Variants in HACD2 observed in about 807,000 individuals in gnomAD.
The protein encoded by HACD2 is very-long-chain (3R)-3-hydroxyacyl-CoA dehydratase 2.
Under a neutral mutation model 31.0 loss-of-function variants are expected in HACD2, and 15 were observed. The observed-to-expected ratio is 0.48, with a 90% CI of 0.32 to 0.75. The LOEUF (loss-of-function observed/expected upper bound fraction) is 0.75. HACD2 is among the 30% of genes least tolerant of loss of function. The pLI is 0.03. For missense variants in HACD2, 283 were observed against 313.0 expected (o/e 0.90, Z 0.72); for synonymous variants, 115 against 122.2 (o/e 0.94, Z 0.39).
chr3:123,530,051 G>A (rs1659564591), intron 3 of HACD2, among the ~76,000 whole-genome samples: 1 of 151,964 alleles, frequency 6.6e-6, no homozygotes, highest in South Asian at 2.1e-4. Context: ...TATTATAATA[G>A]ACCTATTTTG....
intron 2 of HACD2, among the ~76,000 whole-genome samples, chr3:123,578,460 G>C (rs529194167): frequency 4.6e-5 from 7 of 151,996 alleles, no homozygotes; most frequent in African/African-American, 1.2e-4. Context: ...TTGTAGAGAT[G>C]GGGTCTCGCT....
chr3:123,581,887 T>C (rs1404520646), intron 2 of HACD2, among the ~76,000 whole-genome samples: 3 of 152,210 alleles, frequency 2.0e-5, no homozygotes, highest in African/African-American at 7.2e-5. Flanking sequence ...ACTATTTCTA[T>C]TACATAAACC....
At chr3:123,524,845 G>A (rs528591325) in intron 4 of HACD2, among the ~76,000 whole-genome samples, 31 of 152,206 alleles carry the variant, frequency 2.0e-4, no homozygotes, top group African/African-American at 7.0e-4. Context: ...AAAGACCCTG[G>A]ATTTAGAATC....
rs561962950 is a variant in HACD2 at position 123,497,419 on chromosome 3, C to T, written c.683-2449G>A. On this transcript the variant is annotated intron_variant, in intron 6 of 6. Transcript: ENST00000383657. Reference sequence around the variant, plus strand: ...CTCCTTTCTTTAAGAAGATGGCCAGCCCTCTTGGGGCTCTCTTCCCCTCTG... The same window carrying T: ...CTCCTTTCTTTAAGAAGATGGCCAGTCCTCTTGGGGCTCTCTTCCCCTCTG... 2.0e-5 allele frequency among the ~76,000 whole-genome samples: 3 copies of T among 152,258 alleles called. No homozygotes were observed. The East Asian group carries it at 5.8e-4, about 29-fold the overall frequency.
intron 3 of HACD2, among the ~76,000 whole-genome samples, chr3:123,545,168 T>C (rs879001585): frequency 6.7e-6 from 1 of 149,908 alleles, no homozygotes. Context: ...ACAATGTGTA[T>C]GTGTTACTTT....
chr3:123,545,070 T>C lies in HACD2; in HGVS notation c.293-16596A>G, dbSNP rs1165859159. On this transcript the variant is annotated intron_variant, in intron 3 of 6. Transcript: ENST00000383657. ...AAAAAAAAAAAAAAGATGGTAAAAATATAATTATTTCTGGGTAATGAGATC... is the reference window on the plus strand; with the variant it reads ...AAAAAAAAAAAAAAGATGGTAAAAACATAATTATTTCTGGGTAATGAGATC... Among the ~76,000 whole-genome samples the C allele has an allele frequency of 6.9e-5, 9 of 129,626 alleles. No individual in the cohort carries two copies. The Admixed American group carries it at 7.3e-4, about 10-fold the overall frequency. The allele number at this position is 129,626 out of a possible 152,430, so 85.0% of individuals were successfully genotyped here. A position where few individuals can be genotyped will look rare whatever the true frequency, so the allele number is the denominator to read the frequency against.
At chr3:123,534,570 TTACTA>T (rs1448779005) in intron 3 of HACD2, among the ~76,000 whole-genome samples, 6 of 152,180 alleles carry the variant, frequency 3.9e-5, no homozygotes, top group South Asian at 2.1e-4. Context: ...GTTTATGTAT[TTACTA>T]TACTATAATT....
chr3:123,537,406 A>T (rs1329627295), intron 3 of HACD2, among the ~76,000 whole-genome samples: 4 of 152,060 alleles, frequency 2.6e-5, no homozygotes, highest in East Asian at 1.9e-4. Context: ...ATCTACAAAA[A>T]TTTTTTTAAA....
chr3:123,518,960 G>A (rs1353882322), intron 4 of HACD2, among the ~76,000 whole-genome samples: 1 of 136,506 alleles, frequency 7.3e-6, no homozygotes, highest in Non-Finnish European at 1.5e-5. Context: ...TCGCGTCACT[G>A]CACTCCAGCC....
At chr3:123,502,479 T>C (rs2055914482) in intron 5 of HACD2, 81 bp downstream of exon 5, 8 of 1,431,544 alleles carry the variant, frequency 5.6e-6, no homozygotes, top group Middle Eastern at 1.8e-4. Flanking sequence ...TTAGAAACTT[T>C]GAGGCAATAT....
chr3:123,548,625 G>GT (rs34586639), intron 3 of HACD2, among the ~76,000 whole-genome samples: 20 of 151,448 alleles, frequency 1.3e-4, no homozygotes, highest in South Asian at 4.2e-4. Context: ...ATCAGAGCCA[G>GT]TTTTTTTTTC....
chr3:123,497,824 A>G (rs1286662111), intron 6 of HACD2, among the ~76,000 whole-genome samples: 1 of 152,244 alleles, frequency 6.6e-6, no homozygotes, highest in African/African-American at 2.4e-5. Flanking sequence ...GTGTGCAACA[A>G]CGCAACAACA....
chr3:123,513,670 T>C (rs976521991), intron 4 of HACD2, among the ~76,000 whole-genome samples: 1 of 152,124 alleles, frequency 6.6e-6, no homozygotes, highest in Admixed American at 6.5e-5. Flanking sequence ...GGCAGGACCA[T>C]CACAGCAACC....
At chr3:123,577,305 G>A (rs767774648) in intron 2 of HACD2, among the ~76,000 whole-genome samples, 1 of 152,116 alleles carries the variant, frequency 6.6e-6, no homozygotes, top group Non-Finnish European at 1.5e-5. Context: ...CAATCACAGA[G>A]GCATATCCAA....
intron 3 of HACD2, among the ~76,000 whole-genome samples, chr3:123,545,034 C>CAAAAA (rs71142743): frequency 1.3e-4 from 6 of 45,214 alleles, no homozygotes; most frequent in African/African-American, 5.4e-4. Flanking sequence ...GACCCTGCCT[C>CAAAAA]AAAAAAAAAA....
At position 123,547,839 on chromosome 3, in the gene HACD2, C is replaced by T. The variant is rs76725718; in HGVS notation, c.293-19365G>A. 3.3e-5 allele frequency among the ~76,000 whole-genome samples: 5 copies of T among 152,252 alleles called. No individual in the cohort carries two copies. In the East Asian group the frequency reaches 9.7e-4, roughly 29 times the overall value. Reference sequence around the variant, plus strand: ...CTATGCATCAGGCCCGGATCTACATCCTTTACTTATATTAATTAATTTACT... The same window carrying T: ...CTATGCATCAGGCCCGGATCTACATTCTTTACTTATATTAATTAATTTACT... On this transcript the variant is annotated intron_variant, in intron 3 of 6. Transcript: ENST00000383657.
chr3:123,525,118 A>G (rs2056264468), intron 4 of HACD2, among the ~76,000 whole-genome samples: 1 of 152,180 alleles, frequency 6.6e-6, no homozygotes, highest in Non-Finnish European at 1.5e-5. Context: ...GTTGGTGAGA[A>G]TGTAAGTTAA....
chr3:123,508,437 A>C lies in HACD2; in HGVS notation c.382-5756T>G, dbSNP rs559487442. 8.5e-5 allele frequency among the ~76,000 whole-genome samples: 13 copies of C among 152,354 alleles called. No individual in the cohort carries two copies. The East Asian group carries it at 2.5e-3, about 29-fold the overall frequency. Reference sequence around the variant, plus strand: ...ATGGGTGCAAGAGAAAAACCTTTACACACAAATAGCATCATATGTTTGACT... The same window carrying C: ...ATGGGTGCAAGAGAAAAACCTTTACCCACAAATAGCATCATATGTTTGACT... On this transcript the variant is annotated intron_variant, in intron 4 of 6. Transcript: ENST00000383657.
chr3:123,572,499 C>T (rs112512694), intron 2 of HACD2, among the ~76,000 whole-genome samples: 8 of 152,284 alleles, frequency 5.3e-5, no homozygotes, highest in South Asian at 2.1e-4. Flanking sequence ...CAGAGCAAGA[C>T]CCTGTCTCAA....
Sources: allele counts gnomAD v4.1 joint callset (sites outside exome capture counted in the v4.1 genomes callset), GRCh38; gene constraint gnomAD v4.1.1; transcripts MANE v1.5; gene names NCBI Gene and HGNC (gene_info 2026-07-23, HGNC 2026-07-21).